The following EFNA5 variants were observed in gnomAD, a reference collection of about 807,000 sequenced individuals.
The protein encoded by EFNA5 is ephrin A5, also known as ephrin-A5.
EFNA5 carries 5 observed loss-of-function variants against 22.9 expected under a neutral mutation model. The observed-to-expected ratio is 0.22, with a 90% confidence interval of 0.11 to 0.46. The LOEUF is 0.46. EFNA5 is among the 20% of genes least tolerant of loss of function. The pLI is 0.99. For synonymous variants in EFNA5, 113 were observed against 112.2 expected, an observed-to-expected ratio of 1.01 and a Z score of -0.04; for missense variants, 237 against 293.3, an observed-to-expected ratio of 0.81 and a Z score of 1.40.
intron 1 of EFNA5, among the ~76,000 whole-genome samples, chr5:107,568,647 T>A (rs926771764): frequency 6.6e-6 from 1 of 152,190 alleles, no homozygotes; most frequent in Non-Finnish European, 1.5e-5. Flanking sequence ...GACATAGACA[T>A]AGACTTTCTA....
chr5:107,589,984 T>C (rs1477219509), intron 1 of EFNA5, among the ~76,000 whole-genome samples: 1 of 152,252 alleles, frequency 6.6e-6, no homozygotes, highest in Non-Finnish European at 1.5e-5. Flanking sequence ...CCTTGTCTTA[T>C]GTAAACACAT....
intron 1 of EFNA5, among the ~76,000 whole-genome samples, chr5:107,470,058 G>A (rs1750097036): frequency 6.6e-6 from 1 of 152,182 alleles, no homozygotes; most frequent in Non-Finnish European, 1.5e-5. Flanking sequence ...ATTCTCAAGT[G>A]ATAGATAGTT....
chr5:107,638,825 C>T (rs1750440232), intron 1 of EFNA5, among the ~76,000 whole-genome samples: 1 of 152,102 alleles, frequency 6.6e-6, no homozygotes, highest in Admixed American at 6.5e-5. Flanking sequence ...TATACACACA[C>T]ATACACACAC....
chr5:107,454,248 A>C (rs757076500), intron 1 of EFNA5, among the ~76,000 whole-genome samples: 1 of 152,210 alleles, frequency 6.6e-6, no homozygotes. Context: ...ACTTTAAAAT[A>C]CTTTATATTA....
chr5:107,532,852 C>T (rs947915045), intron 1 of EFNA5, among the ~76,000 whole-genome samples: 4 of 152,154 alleles, frequency 2.6e-5, no homozygotes, highest in Non-Finnish European at 5.9e-5. Flanking sequence ...GAATACTTTA[C>T]GCCAGACACA....
chr5:107,421,415 G>A (rs1402170582), intron 2 of EFNA5, among the ~76,000 whole-genome samples: 1 of 152,082 alleles, frequency 6.6e-6, no homozygotes, highest in African/African-American at 2.4e-5. Flanking sequence ...ACTAATTCCT[G>A]AATCAAGTGT....
Position 107,580,737 on chromosome 5 carries a change from A to AAAG in EFNA5, c.125+89751_125+89752insCTT, listed in dbSNP as rs1554067554. ...ACTCCATCTCAAAAAAAAAAAAAAAAAAAGAAAAGAAAAGAAAAGAAAAAA... is the reference window on the plus strand; with the variant it reads ...ACTCCATCTCAAAAAAAAAAAAAAAAAAGAAAGAAAAGAAAAGAAAAGAAAAAA... On this transcript the variant is annotated intron_variant, in intron 1 of 4. Coordinates refer to ENST00000333274, the MANE Select transcript of EFNA5 (RefSeq NM_001962.3). 1.7e-3 allele frequency among the ~76,000 whole-genome samples: 239 copies of AAAG among 144,212 alleles called. 2 individuals are homozygous for AAAG. Among genetic ancestry groups the AAAG allele is most frequent in the African/African-American group, 6.2e-3 (232 of 37,538 alleles). The allele number at this position is 144,212 out of a possible 152,430, so 94.6% of individuals were successfully genotyped here.
intron 1 of EFNA5, among the ~76,000 whole-genome samples, chr5:107,616,382 C>T (rs1184771796): frequency 6.6e-6 from 1 of 152,154 alleles, no homozygotes; most frequent in Non-Finnish European, 1.5e-5. Flanking sequence ...TACCGCAGCA[C>T]ACACTGATGA....
chr5:107,437,682 A>G (rs975469438), intron 1 of EFNA5, among the ~76,000 whole-genome samples: 5 of 151,906 alleles, frequency 3.3e-5, no homozygotes, highest in Admixed American at 1.3e-4. Flanking sequence ...TAGCGACTAC[A>G]TAGATGTTCG....
chr5:107,412,673 C>T (rs116697133), intron 2 of EFNA5, among the ~76,000 whole-genome samples: 1,548 of 152,264 alleles, frequency 0.01, 19 homozygotes, highest in Admixed American at 0.014. Context: ...ATTTTGTACA[C>T]GTTCAACTGA....
At chr5:107,431,663 A>C (rs1230808147) in intron 1 of EFNA5, among the ~76,000 whole-genome samples, 9 of 152,172 alleles carry the variant, frequency 5.9e-5, no homozygotes, top group Non-Finnish European at 1.2e-4. Flanking sequence ...ATTTTGTGAG[A>C]GATTAAATTG....
intron 1 of EFNA5, among the ~76,000 whole-genome samples, chr5:107,488,606 C>T (rs997320432): frequency 4.6e-5 from 7 of 152,204 alleles, no homozygotes; most frequent in Admixed American, 2.0e-4. Context: ...GAAGCTATAC[C>T]TGGTTTTATT....
intron 1 of EFNA5, among the ~76,000 whole-genome samples, chr5:107,434,715 T>C (rs1446062599): frequency 6.6e-6 from 1 of 152,204 alleles, no homozygotes; most frequent in Non-Finnish European, 1.5e-5. Flanking sequence ...GACAGTGTTA[T>C]TAGAGGTTAG....
chr5:107,652,205 A>G (rs927597403), intron 1 of EFNA5, among the ~76,000 whole-genome samples: 1 of 152,170 alleles, frequency 6.6e-6, no homozygotes, highest in African/African-American at 2.4e-5. Flanking sequence ...CTCCACCCTG[A>G]ATAAACTACT....
chr5:107,529,073 A>G (rs769999872), intron 1 of EFNA5, among the ~76,000 whole-genome samples: 7 of 152,214 alleles, frequency 4.6e-5, no homozygotes, highest in Non-Finnish European at 7.3e-5. Flanking sequence ...TAACTGTTTA[A>G]GAAACACTAT....
In EFNA5 at chr5:107,387,259, C is replaced by G. The variant is rs1302129174; in HGVS notation, c.541G>C (p.Val181Leu). ...CCTGCTGGTTCTAATGAATTTTCTA[C>G]TTTGTCGTTAACATCGAAAACACGA... is the stretch of plus-strand genomic sequence containing the variant. ...HDRVFDVNDKVENSLEPADDT... is the reference protein window; with the variant it reads ...HDRVFDVNDKLENSLEPADDT... The change falls in exon 4 of 5, where the codon GTA becomes CTA. Residue 181 changes from valine to leucine, a missense_variant. Coordinates refer to ENST00000333274, the MANE Select transcript of EFNA5 (RefSeq NM_001962.3). The G allele has an allele frequency of 6.2e-7, 1 of 1,605,402 alleles. No homozygotes were observed. The highest frequency in any genetic ancestry group is 8.5e-7 in the Non-Finnish European group (1 of 1,174,362).
intron 1 of EFNA5, among the ~76,000 whole-genome samples, chr5:107,446,000 A>G (rs1749382736): frequency 6.6e-6 from 1 of 152,232 alleles, no homozygotes; most frequent in Admixed American, 6.5e-5. Flanking sequence ...AAAGAGGTTA[A>G]GAGAAAGGAA....
At chr5:107,543,880 C>T (rs1208244516) in intron 1 of EFNA5, among the ~76,000 whole-genome samples, 3 of 152,306 alleles carry the variant, frequency 2.0e-5, no homozygotes, top group Non-Finnish European at 4.4e-5. Context: ...AACCTATAAG[C>T]ATCTCTTACA....
chr5:107,504,767 C>T (rs1411833058), intron 1 of EFNA5, among the ~76,000 whole-genome samples: 1 of 152,156 alleles, frequency 6.6e-6, no homozygotes, highest in African/African-American at 2.4e-5. Context: ...AGGTCTGGCA[C>T]ATGTTTGTGA....
Sources: gnomAD v4.1 joint callset for allele counts (sites outside exome capture counted in the v4.1 genomes callset) on GRCh38, gnomAD v4.1.1 for gene constraint, MANE v1.5 for transcripts, NCBI Gene and HGNC (gene_info 2026-07-23, HGNC 2026-07-21) for gene names.